Variants in OTX1 observed in about 807,000 individuals in gnomAD.
OTX1 encodes the protein homeobox protein OTX1.
In OTX1, 7 loss-of-function variants were observed where a neutral mutation model predicts 26.7. That is an observed-to-expected ratio of 0.26 (90% confidence interval 0.15 to 0.49). The LOEUF is 0.49. OTX1 is among the 20% of genes least tolerant of loss of function. The pLI, the probability that OTX1 is intolerant of heterozygous loss-of-function variation, is 0.98. For missense variants in OTX1, 414 were observed against 483.8 expected (o/e 0.86, Z 1.35); for synonymous variants, 216 against 212.8 (o/e 1.01, Z -0.13).
Position 63,054,089 on chromosome 2 carries a change from G to A in OTX1, c.140G>A (p.Arg47His). ...CGGCGGGAGCGCACCACCTTCACGC[G>A]TTCACAGCTGGACGTGCTCGAGGCG... ...KQRRERTTFTRSQLDVLEALF... is the reference protein window; with the variant it reads ...KQRRERTTFTHSQLDVLEALF... Residue 47 changes from arginine to histidine, a missense_variant, in exon 4 of 5, where the codon CGT becomes CAT. This residue lies in a region of OTX1 where 46 missense variants were observed against 94.3 expected (regional missense o/e 0.49). Coordinates refer to ENST00000282549, the MANE Select transcript of OTX1 (RefSeq NM_014562.4). 1 of 1,612,030 alleles carries A rather than the reference G, an allele frequency of 6.2e-7. No individual in the cohort carries two copies. The highest frequency in any genetic ancestry group is 1.7e-5 in the Admixed American group (1 of 59,862).
intron 2 of OTX1, among the ~76,000 whole-genome samples, chr2:63,052,454 C>CA (rs1453408797): frequency 2.6e-5 from 4 of 152,236 alleles, no homozygotes; most frequent in Non-Finnish European, 5.9e-5. Context: ...TCTACCTTTT[C>CA]AAAAACACGT....
Position 63,054,218 on chromosome 2 carries a change from C to T in OTX1, c.249+20C>T. ...GTCCAGGTGCGCACTCCCCGGGCTC[C>T]AGGGTCTGGGTAGGGGAGCTGAGGC... On this transcript the variant is annotated intron_variant, in intron 4 of 4. Coordinates refer to ENST00000282549, the MANE Select transcript of OTX1 (RefSeq NM_014562.4). 6.4e-7 allele frequency: 1 copy of T among 1,571,858 alleles called. No individual in the cohort carries two copies. Among genetic ancestry groups the T allele is most frequent in the Non-Finnish European group, 8.6e-7 (1 of 1,157,746 alleles).
chr2:63,053,369 T>A (rs570204758), intron 3 of OTX1: 26 of 381,556 alleles, frequency 6.8e-5, no homozygotes, highest in Non-Finnish European at 9.3e-5. Flanking sequence ...GCAGAGCTCA[T>A]TTACTTGCGG....
In OTX1 at chr2:63,057,162, C is replaced by T. The variant is rs2062074753; in HGVS notation, c.*846C>T. On this transcript the variant is annotated 3_prime_UTR_variant, in exon 5 of 5. Transcript: ENST00000282549. ...ATATATATATACATATATATATACACATATATAAAAAACAAAAGCAAAAAA... is the reference window on the plus strand; with the variant it reads ...ATATATATATACATATATATATACATATATATAAAAAACAAAAGCAAAAAA... The T allele has an allele frequency of 6.6e-6, 1 of 151,292 alleles. No individual in the cohort carries two copies. The highest frequency in any genetic ancestry group is 2.1e-4 in the South Asian group (1 of 4,816). The allele number at this position is 151,292 out of a possible 1,614,324, so 9.4% of individuals were successfully genotyped here. A position where few individuals can be genotyped will look rare whatever the true frequency, so the allele number is the denominator to read the frequency against.
upstream of OTX1, chr2:63,050,648 A>C (rs919252617): frequency 5.2e-4 from 10 of 19,352 alleles, no homozygotes; most frequent in South Asian, 1.9e-3. Flanking sequence ...GCGGGGCGGG[A>C]GGGCGGGGAG....
chr2:63,054,457 G>C (rs1263956280), intron 4 of OTX1, among the ~76,000 whole-genome samples: 1 of 152,256 alleles, frequency 6.6e-6, no homozygotes, highest in Non-Finnish European at 1.5e-5. Flanking sequence ...GTACTTTTTA[G>C]AATTGCCGGA....
rs2062036943 is a variant in OTX1, at chr2:63,053,018, T to C, written c.28T>C (p.Tyr10His). MMSYLKQPP[Y>H]GMNGLGLAGP... Reference sequence around the variant, plus strand: ...GATGTCTTACCTCAAACAACCCCCATACGGCATGAACGGGCTGGGCCTGGC... The same window carrying C: ...GATGTCTTACCTCAAACAACCCCCACACGGCATGAACGGGCTGGGCCTGGC... The change falls in exon 3 of 5, where the codon TAC becomes CAC. Residue 10 changes from tyrosine (Y) to histidine (H), a missense_variant. Physicochemically the swap from Tyr to His is moderately conservative, Grantham distance 83 (BLOSUM62 2). Around this residue, in one of 3 missense-constraint regions of OTX1, gnomAD observed 48 missense variants for 41.6 expected, o/e 1.15. Transcript: ENST00000282549. The C allele has an allele frequency of 1.9e-6, 3 of 1,609,972 alleles. No individual in the cohort carries two copies. Among genetic ancestry groups the C allele is most frequent in the Admixed American group, 3.3e-5 (2 of 59,824 alleles).
chr2:63,055,447 A>T lies in OTX1; in HGVS notation c.250-54A>T, dbSNP rs1210168792. ...AGTTGGGTCCGCGGGGCGGTGGAGC[A>T]ACAAGCTCCCCTAGCTCCCTTTGAC... On this transcript the variant is annotated intron_variant, in intron 4 of 4. Coordinates refer to ENST00000282549, the MANE Select transcript of OTX1 (RefSeq NM_014562.4). This position sits in a 1 kb window ranked among gnomAD's most constrained non-coding sequence, Gnocchi z 5.2. 1 of 1,533,958 alleles carries T rather than the reference A, an allele frequency of 6.5e-7. No individual in the cohort carries two copies.
intron 4 of OTX1, among the ~76,000 whole-genome samples, chr2:63,054,895 G>A (rs1037206747): frequency 3.3e-5 from 5 of 152,132 alleles, no homozygotes; most frequent in Non-Finnish European, 7.4e-5. Context: ...CCCACCTGGA[G>A]CCAAAGGGCC....
In OTX1 at chr2:63,055,445, G is replaced by A. The variant is rs1274817586; in HGVS notation, c.250-56G>A. 110 of 1,534,538 alleles carry A rather than the reference G, an allele frequency of 7.2e-5. 2 individuals carry two copies. The highest frequency in any genetic ancestry group is 6.8e-4 in the Middle Eastern group (3 of 4,434). ...GGAGTTGGGTCCGCGGGGCGGTGGAGCAACAAGCTCCCCTAGCTCCCTTTG... is the reference window on the plus strand; with the variant it reads ...GGAGTTGGGTCCGCGGGGCGGTGGAACAACAAGCTCCCCTAGCTCCCTTTG... On this transcript the variant is annotated intron_variant, in intron 4 of 4. Transcript: ENST00000282549. The surrounding 1 kb of genome is among the most constrained non-coding windows in gnomAD (Gnocchi z 5.2).
chr2:63,050,402 G>A (rs565156084), upstream of OTX1, among the ~76,000 whole-genome samples: 494 of 152,230 alleles, frequency 3.2e-3, 2 homozygotes, highest in African/African-American at 0.011. Context: ...GCCCACACCC[G>A]AGCGGCTGAG....
intron 4 of OTX1, among the ~76,000 whole-genome samples, 187 bp downstream of exon 4, chr2:63,054,385 A>T (rs2062048809): frequency 6.6e-6 from 1 of 152,364 alleles, no homozygotes; most frequent in African/African-American, 2.4e-5. Flanking sequence ...AGTTAAAGGA[A>T]ATGGCTTAGA....
rs1018553347 is a variant in OTX1 at position 63,057,002 on chromosome 2, C to A, written c.*686C>A. On this transcript the variant is annotated 3_prime_UTR_variant, in exon 5 of 5. Coordinates refer to ENST00000282549, the MANE Select transcript of OTX1 (RefSeq NM_014562.4). ...GCTGGACTGGTTCAAGCTTCCGCCTCGGCGGGAACGCTGTACATAGTCAGG... is the reference window on the plus strand; with the variant it reads ...GCTGGACTGGTTCAAGCTTCCGCCTAGGCGGGAACGCTGTACATAGTCAGG... 1.3e-5 allele frequency: 2 copies of A among 152,350 alleles called. No homozygotes were observed. The highest frequency in any genetic ancestry group is 3.9e-4 in the East Asian group (2 of 5,194). 9.4% of individuals were successfully genotyped at this position (152,350 alleles called of 1,614,324 possible).
Position 63,056,476 on chromosome 2 carries a change from T to G in OTX1, c.*160T>G, listed in dbSNP as rs2062069047. ...ATTGCCTGCACTGCCGCCCCCATTTTTGTGCCACTTGCTTGGGGGGATGTG... is the reference window on the plus strand; with the variant it reads ...ATTGCCTGCACTGCCGCCCCCATTTGTGTGCCACTTGCTTGGGGGGATGTG... On this transcript the variant is annotated 3_prime_UTR_variant, in exon 5 of 5. Coordinates refer to ENST00000282549, the MANE Select transcript of OTX1 (RefSeq NM_014562.4). 3 of 691,878 alleles carry G rather than the reference T, an allele frequency of 4.3e-6. No individual in the cohort carries two copies. The South Asian group carries it at 5.8e-5, about 13-fold the overall frequency. 42.9% of individuals were successfully genotyped at this position (691,878 alleles called of 1,614,324 possible). A position where few individuals can be genotyped will look rare whatever the true frequency, so the allele number is the denominator to read the frequency against.
Position 63,053,075 on chromosome 2 carries a change from G to T in OTX1, c.85G>T (p.Val29Leu). 6.3e-7 allele frequency: 1 copy of T among 1,585,000 alleles called. No homozygotes were observed. ...CGCCATGGACCTCCTGCACCCATCC[G>T]TGGGCTATCCGGGTGAGCACCAGCC... The part of the protein sequence containing the change: ...GPAMDLLHPS[V>L]GYPATPRKQR... The change falls in exon 3 of 5, where the codon GTG (valine) becomes TTG (leucine). Residue 29 changes from valine (V) to leucine (L), a missense_variant. By Grantham distance (32) the Val-to-Leu change is conservative (BLOSUM62 1). This residue lies in a region of OTX1 where 48 missense variants were observed against 41.6 expected (regional missense o/e 1.15). Coordinates refer to ENST00000282549, the MANE Select transcript of OTX1 (RefSeq NM_014562.4).
chr2:63,056,229 T>C lies in OTX1; in HGVS notation c.978T>C (p.Ala326=), dbSNP rs763311525. ...ATTACAAGGAGCCTGGCGCCGCTGC[T>C]GCTTCCTCCGCCTGGAAACTCAACT... ...CLDYKEPGAA[A]ASSAWKLNFN... is the part of the protein sequence containing the mutation. Residue 326 remains alanine (A), a synonymous_variant, in exon 5 of 5, where the codon GCT becomes GCC. Coordinates refer to ENST00000282549, the MANE Select transcript of OTX1 (RefSeq NM_014562.4). 1.9e-6 allele frequency: 3 copies of C among 1,613,990 alleles called. No individual in the cohort carries two copies. The highest frequency in any genetic ancestry group is 2.5e-6 in the Non-Finnish European group (3 of 1,180,022).
rs1239777121 is a variant in OTX1 at position 63,056,922 on chromosome 2, G to C, written c.*606G>C. On this transcript the variant is annotated 3_prime_UTR_variant, in exon 5 of 5. Transcript: ENST00000282549. Reference sequence around the variant, plus strand: ...GGGGCGCGCCAGGGCTAGGCCCGCCGGAGGAGCGCGTCCCCAGCCTTCCGC... The same window carrying C: ...GGGGCGCGCCAGGGCTAGGCCCGCCCGAGGAGCGCGTCCCCAGCCTTCCGC... 1 of 152,712 alleles carries C rather than the reference G, an allele frequency of 6.5e-6. No homozygotes were observed. The highest frequency in any genetic ancestry group is 2.4e-5 in the African/African-American group (1 of 41,564). 9.5% of individuals were successfully genotyped at this position (152,712 alleles called of 1,614,324 possible).
At chr2:63,054,299 G>A in intron 4 of OTX1, 101 bp downstream of exon 4, 2 of 1,223,628 alleles carry the variant, frequency 1.6e-6, no homozygotes, top group Non-Finnish European at 2.2e-6. Context: ...ACCATCCTGT[G>A]GGGGTGGGCT....
In OTX1 at chr2:63,056,182, T is replaced by A; in HGVS notation, c.931T>A (p.Phe311Ile). ...AGGCTACGGTGGCTCTGGGCTTGCC[T>A]TCAACTCTGCCGACTGCTTGGATTA... ...HQGYGGSGLA[F>I]NSADCLDYKE... The change falls in exon 5 of 5, where the codon TTC (phenylalanine) becomes ATC (isoleucine). Residue 311 changes from phenylalanine (F) to isoleucine (I), a missense_variant. Coordinates refer to ENST00000282549, the MANE Select transcript of OTX1 (RefSeq NM_014562.4). 6.2e-7 allele frequency: 1 copy of A among 1,614,012 alleles called. No individual in the cohort carries two copies. Among genetic ancestry groups the A allele is most frequent in the Non-Finnish European group, 8.5e-7 (1 of 1,179,998 alleles).
Sources: allele counts gnomAD v4.1 joint callset (sites outside exome capture counted in the v4.1 genomes callset), GRCh38; gene constraint gnomAD v4.1.1; regional missense constraint gnomAD v4.1.1; non-coding constraint Gnocchi (gnomAD v3.1); transcripts MANE v1.5; gene names NCBI Gene and HGNC (gene_info 2026-07-23, HGNC 2026-07-21).